Variants in SLC25A48 observed in about 807,000 individuals in gnomAD.
SLC25A48 encodes solute carrier family 25 member 48.
Under a neutral mutation model 32.2 loss-of-function variants are expected in SLC25A48, and 29 were observed. The observed-to-expected ratio is 0.90, with a 90% CI of 0.67 to 1.23. The LOEUF is 1.23. SLC25A48 is among the 50% of genes most tolerant of loss of function. The pLI is 0.00. For missense variants in SLC25A48, 399 were observed against 422.7 expected (o/e 0.94, Z 0.49); for synonymous variants, 164 against 172.3 (o/e 0.95, Z 0.38).
Position 135,672,038 on chromosome 5 carries a change from T to C in SLC25A48, c.-521+37082T>C, listed in dbSNP as rs558468122. Among the ~76,000 whole-genome samples, 10 of 152,270 alleles carry C rather than the reference T, an allele frequency of 6.6e-5. 1 individual carries two copies. Among genetic ancestry groups the C allele is most frequent in the African/African-American group, 1.2e-4 (5 of 41,536 alleles). On this transcript the variant is annotated intron_variant, in intron 3 of 10. Coordinates refer to the SLC25A48 transcript ENST00000646290. ...GCAAAGCCAACCATTAGCTTCCAAA[T>C]TGATTTTCAAACCAAAATTGGAACA...
chr5:135,852,782 A>G lies in SLC25A48; in HGVS notation c.382A>G (p.Lys128Glu), dbSNP rs1760002934. 3.1e-6 allele frequency: 5 copies of G among 1,613,318 alleles called. No homozygotes were observed. The highest frequency in any genetic ancestry group is 3.3e-5 in the Admixed American group (2 of 59,996). Residue 128 changes from lysine (K) to glutamate (E), a missense_variant, in exon 4 of 8, where the codon AAG becomes GAG. Physicochemically the swap from Lys to Glu is moderately conservative, Grantham distance 56. Coordinates refer to ENST00000681962, the MANE Select transcript of SLC25A48 (RefSeq NM_001349336.2). The stretch of plus-strand genomic sequence containing the variant: ...GCTGGGAGGGCCCGTGGACCTCATC[A>G]AGATCCGGTTGCAGATGCAGACACA... ...VGLGGPVDLIKIRLQMQTQPF... is the reference protein window; with the variant it reads ...VGLGGPVDLIEIRLQMQTQPF...
At chr5:135,669,391 T>C (rs1043483405) in intron 3 of SLC25A48, among the ~76,000 whole-genome samples, 1 of 151,958 alleles carries the variant, frequency 6.6e-6, no homozygotes, top group African/African-American at 2.4e-5. Context: ...AAGTTGCTTA[T>C]TGGGAAGTGA....
chr5:135,707,515 G>A (rs565778162), intron 3 of SLC25A48, among the ~76,000 whole-genome samples: 1 of 151,870 alleles, frequency 6.6e-6, no homozygotes, highest in African/African-American at 2.4e-5. Context: ...TCAGACTCCC[G>A]CCGCCCCCGC....
intron 3 of SLC25A48, among the ~76,000 whole-genome samples, chr5:135,788,205 G>A (rs914826278): frequency 7.9e-5 from 12 of 151,146 alleles, no homozygotes; most frequent in Admixed American, 5.3e-4. Flanking sequence ...AGCGGGGGTC[G>A]TAGCACCTCC....
intron 3 of SLC25A48, among the ~76,000 whole-genome samples, chr5:135,644,056 G>A (rs528062009): frequency 6.6e-6 from 1 of 152,266 alleles, no homozygotes; most frequent in African/African-American, 2.4e-5. Context: ...AGCATTTGAT[G>A]TTACACACTG....
chr5:135,792,170 G>A (rs1173568243), intron 3 of SLC25A48, among the ~76,000 whole-genome samples: 2 of 151,684 alleles, frequency 1.3e-5, no homozygotes, highest in African/African-American at 2.4e-5. Flanking sequence ...TGTAACTTGG[G>A]TTGTACACTA....
chr5:135,760,346 G>A (rs1054775962), intron 3 of SLC25A48, among the ~76,000 whole-genome samples: 5 of 152,134 alleles, frequency 3.3e-5, no homozygotes, highest in East Asian at 3.9e-4. Context: ...CAGGTGTGGC[G>A]GCTTCTGCCT....
chr5:135,720,647 C>T (rs971703533), intron 3 of SLC25A48, among the ~76,000 whole-genome samples: 2 of 152,180 alleles, frequency 1.3e-5, no homozygotes, highest in Non-Finnish European at 2.9e-5. Flanking sequence ...ATAGCCCAGC[C>T]CTGCAAAATC....
At chr5:135,709,071 A>G (rs1393917518) in intron 3 of SLC25A48, among the ~76,000 whole-genome samples, 1 of 152,258 alleles carries the variant, frequency 6.6e-6, no homozygotes, top group Non-Finnish European at 1.5e-5. Context: ...TACAAAACAG[A>G]TTTTGGTTCA....
rs1180310095 is a variant in SLC25A48, at chr5:135,880,122, A to G, written c.*7+25A>G. On this transcript the variant is annotated intron_variant, in intron 7 of 7. Coordinates refer to ENST00000681962, the MANE Select transcript of SLC25A48 (RefSeq NM_001349336.2). The stretch of plus-strand genomic sequence containing the variant: ...GGTCAGTGTGCTTCCATCCTGGCCA[A>G]TTGTGCCTCCCAGGAACTTGAAACT... 11 of 1,514,800 alleles carry G rather than the reference A, an allele frequency of 7.3e-6. No individual in the cohort carries two copies. The African/African-American group carries it at 1.5e-4, about 21-fold the overall frequency. The allele number at this position is 1,514,800 out of a possible 1,614,324, so 93.8% of individuals were successfully genotyped here. A position where few individuals can be genotyped will look rare whatever the true frequency, so the allele number is the denominator to read the frequency against.
intron 4 of SLC25A48, among the ~76,000 whole-genome samples, chr5:135,858,525 A>G (rs889708612): frequency 2.1e-4 from 32 of 152,208 alleles, no homozygotes; most frequent in African/African-American, 7.7e-4. Flanking sequence ...GGAGCTTGGC[A>G]TATGTTTAAT....
At chr5:135,710,779 A>AC (rs1191478903) in intron 3 of SLC25A48, among the ~76,000 whole-genome samples, 1 of 152,224 alleles carries the variant, frequency 6.6e-6, no homozygotes, top group Non-Finnish European at 1.5e-5. Context: ...CCTTTTATCC[A>AC]GGTGTTTAGA....
At chr5:135,845,983 C>T (rs1759381232) in intron 2 of SLC25A48, among the ~76,000 whole-genome samples, 1 of 152,178 alleles carries the variant, frequency 6.6e-6, no homozygotes, top group Non-Finnish European at 1.5e-5. Flanking sequence ...AACTCCTATA[C>T]CGTACCAGTA....
rs75734544 is a variant in SLC25A48 at position 135,882,390 on chromosome 5, A to G, written c.*7+2293A>G. ...GGCAGCAGTCACACCTACTCTTTGA[A>G]TGCCTCCCTCATTGTCTAGACCCAG... On this transcript the variant is annotated intron_variant, in intron 7 of 7. Transcript: ENST00000681962. 4.2e-3 allele frequency among the ~76,000 whole-genome samples: 644 copies of G among 152,200 alleles called. 4 individuals are homozygous for G. The highest frequency in any genetic ancestry group is 0.015 in the African/African-American group (624 of 41,518).
chr5:135,597,087 C>G (rs1009130590), intron 1 of SLC25A48, among the ~76,000 whole-genome samples: 2 of 152,198 alleles, frequency 1.3e-5, no homozygotes, highest in African/African-American at 4.8e-5. Flanking sequence ...TAACCCCAGA[C>G]AGAGAGTCAG....
At chr5:135,771,119 T>C (rs947332177) in intron 3 of SLC25A48, among the ~76,000 whole-genome samples, 5 of 150,850 alleles carry the variant, frequency 3.3e-5, no homozygotes, top group African/African-American at 9.7e-5. Flanking sequence ...CCCCCGGTGA[T>C]GTTTCTCCTA....
At chr5:135,658,499 G>C (rs569856435) in intron 3 of SLC25A48, among the ~76,000 whole-genome samples, 4 of 152,170 alleles carry the variant, frequency 2.6e-5, no homozygotes, top group African/African-American at 9.7e-5. Flanking sequence ...CCAGGCTCAT[G>C]GTGCAAGCTA....
rs1487728878 is a variant in SLC25A48, at chr5:135,643,448, T to C, written c.-521+8492T>C. On this transcript the variant is annotated intron_variant, in intron 3 of 10. Transcript: ENST00000646290. ...CTGGAAGTAAGGGTGGAACAAGAATTGGTTCTTGGTGCCAAGATGGCCCCA... is the reference window on the plus strand; with the variant it reads ...CTGGAAGTAAGGGTGGAACAAGAATCGGTTCTTGGTGCCAAGATGGCCCCA... Among the ~76,000 whole-genome samples the C allele has an allele frequency of 2.0e-5, 3 of 152,286 alleles. No homozygotes were observed. In the East Asian group the frequency reaches 5.8e-4, roughly 29 times the overall value.
rs58632457 is a variant in SLC25A48, at chr5:135,818,054, C to CCT, written c.-117+5192_-117+5193dup. Among the ~76,000 whole-genome samples, 102 of 80,610 alleles carry CCT rather than the reference C, an allele frequency of 1.3e-3. 4 individuals are homozygous for CCT. The highest frequency in any genetic ancestry group is 2.0e-3 in the Admixed American group (13 of 6,358). The allele number at this position is 80,610 out of a possible 152,430, so 52.9% of individuals were successfully genotyped here. ...GTTTCCCAGGTTTGTTCTCTCTGTTCCTCTCTCTCTCTCTCTCTCTCTCTC... is the reference window on the plus strand; with the variant it reads ...GTTTCCCAGGTTTGTTCTCTCTGTTCCTCTCTCTCTCTCTCTCTCTCTCTCTC... On this transcript the variant is annotated intron_variant, in intron 4 of 10. Coordinates refer to the SLC25A48 transcript ENST00000646290.
Sources: gnomAD v4.1 joint callset for allele counts (sites outside exome capture counted in the v4.1 genomes callset) on GRCh38, gnomAD v4.1.1 for gene constraint, MANE v1.5 for transcripts, NCBI Gene and HGNC (gene_info 2026-07-23, HGNC 2026-07-21) for gene names.